PRKG1: variants seen among roughly 807,000 people sequenced by gnomAD.
PRKG1 encodes the protein protein kinase cGMP-dependent 1, also known as cGMP-dependent protein kinase 1.
PRKG1 carries 35 observed loss-of-function variants against 88.1 expected under a neutral mutation model. The ratio of observed to expected loss-of-function variants is 0.40; its 90% CI spans 0.30 to 0.53. PRKG1 has a LOEUF of 0.53. PRKG1 is among the 20% of genes least tolerant of loss of function. The pLI is 0.59. For synonymous variants in PRKG1, 303 were observed against 292.5 expected (o/e 1.04, Z -0.37); for missense variants, 540 against 839.8 (o/e 0.64, Z 4.41).
chr10:51,015,506 A>G (rs1047600730), intron 1 of PRKG1, among the ~76,000 whole-genome samples: 2 of 152,372 alleles, frequency 1.3e-5, no homozygotes, highest in African/African-American at 2.4e-5. Flanking sequence ...TATTTAAATC[A>G]GTATCTACAA....
In PRKG1 at chr10:52,048,793, A is replaced by G. The variant is rs986876504; in HGVS notation, c.763-5691A>G. On this transcript the variant is annotated intron_variant, in intron 5 of 17. Coordinates refer to ENST00000373980, the MANE Select transcript of PRKG1 (RefSeq NM_006258.4). ...ATTGCTTAATTTAGACGTGCTGTCAATTTTCTTTCTCTATCTATCCTCCTA... is the reference window on the plus strand; with the variant it reads ...ATTGCTTAATTTAGACGTGCTGTCAGTTTTCTTTCTCTATCTATCCTCCTA... 5.3e-4 allele frequency among the ~76,000 whole-genome samples: 76 copies of G among 142,072 alleles called. 3 individuals carry two copies. The highest frequency in any genetic ancestry group is 2.5e-5 in the African/African-American group (1 of 39,322). The allele number at this position is 142,072 out of a possible 152,430, so 93.2% of individuals were successfully genotyped here.
chr10:51,778,370 G>A (rs954542618), intron 3 of PRKG1, among the ~76,000 whole-genome samples: 6 of 152,096 alleles, frequency 3.9e-5, no homozygotes, highest in African/African-American at 9.7e-5. Context: ...TGAAGATGCC[G>A]CCTGCTGTTG....
intron 3 of PRKG1, among the ~76,000 whole-genome samples, chr10:51,691,294 G>A (rs1841135689): frequency 6.7e-6 from 1 of 148,994 alleles, no homozygotes; most frequent in Non-Finnish European, 1.5e-5. Context: ...TGCTAAACAG[G>A]TTTTTCTTTT....
chr10:51,087,971 C>T (rs1048611943), intron 1 of PRKG1, among the ~76,000 whole-genome samples: 2 of 152,260 alleles, frequency 1.3e-5, no homozygotes, highest in Non-Finnish European at 2.9e-5. Flanking sequence ...TACTGTGTTA[C>T]TTAGGCTGGT....
intron 7 of PRKG1, among the ~76,000 whole-genome samples, chr10:52,095,649 A>T (rs1022230813): frequency 6.6e-6 from 1 of 152,198 alleles, no homozygotes; most frequent in Non-Finnish European, 1.5e-5. Flanking sequence ...TGTATTTAAT[A>T]TTGAGCCAGT....
At chr10:52,204,995 C>G (rs1279819502) in intron 9 of PRKG1, among the ~76,000 whole-genome samples, 1 of 152,084 alleles carries the variant, frequency 6.6e-6, no homozygotes, top group African/African-American at 2.4e-5. Context: ...AGAATGCATT[C>G]CCAGGGCAGG....
intron 3 of PRKG1, among the ~76,000 whole-genome samples, chr10:51,501,190 T>G (rs66853770): frequency 0.055 from 8,331 of 152,202 alleles, 259 homozygotes; most frequent in Middle Eastern, 0.11. Flanking sequence ...TTGCCTAAAT[T>G]TCTGTGGTTT....
At chr10:51,995,224 C>CA (rs1844408873) in intron 5 of PRKG1, among the ~76,000 whole-genome samples, 1 of 151,980 alleles carries the variant, frequency 6.6e-6, no homozygotes, top group Admixed American at 6.6e-5. Flanking sequence ...CCATTCTCAA[C>CA]AAAAAGCTAT....
chr10:51,814,761 T>G (rs1334415628), intron 4 of PRKG1, among the ~76,000 whole-genome samples: 1 of 152,164 alleles, frequency 6.6e-6, no homozygotes, highest in Non-Finnish European at 1.5e-5. Flanking sequence ...GTCTCCATAT[T>G]GATCCATTTT....
chr10:51,240,527 GTCTCA>G (rs977590869), intron 2 of PRKG1, among the ~76,000 whole-genome samples: 1 of 151,986 alleles, frequency 6.6e-6, no homozygotes, highest in African/African-American at 2.4e-5. Flanking sequence ...ATATATTTTT[GTCTCA>G]TCAGTAGTTC....
intron 1 of PRKG1, among the ~76,000 whole-genome samples, chr10:51,052,783 C>A (rs1019915547): frequency 1.3e-5 from 2 of 152,164 alleles, no homozygotes; most frequent in African/African-American, 4.8e-5. Flanking sequence ...ACCAAACCAG[C>A]TAACTTTCCA....
At chr10:51,702,183 T>C (rs1177500839) in intron 3 of PRKG1, among the ~76,000 whole-genome samples, 3 of 152,212 alleles carry the variant, frequency 2.0e-5, no homozygotes, top group Non-Finnish European at 2.9e-5. Context: ...TGAAGGACTA[T>C]GGGACAAACA....
In PRKG1 at chr10:51,863,111, C is replaced by T. The variant is rs562451970; in HGVS notation, c.699-44396C>T. Among the ~76,000 whole-genome samples, 4 of 126,134 alleles carry T rather than the reference C, an allele frequency of 3.2e-5. No homozygotes were observed. The East Asian group carries it at 8.9e-4, about 28-fold the overall frequency. The allele number at this position is 126,134 out of a possible 152,430, so 82.7% of individuals were successfully genotyped here. On this transcript the variant is annotated intron_variant, in intron 4 of 17. Coordinates refer to ENST00000373980, the MANE Select transcript of PRKG1 (RefSeq NM_006258.4). Reference sequence around the variant, plus strand: ...ATATTTTTCATCATTCCTTGCTGTGCCCATATAAATCAGTAGGACCCCAGA... The same window carrying T: ...ATATTTTTCATCATTCCTTGCTGTGTCCATATAAATCAGTAGGACCCCAGA...
At chr10:52,169,666 G>A (rs1238462698) in intron 9 of PRKG1, among the ~76,000 whole-genome samples, 1 of 152,188 alleles carries the variant, frequency 6.6e-6, no homozygotes, top group Non-Finnish European at 1.5e-5. Context: ...AAACCAGTGG[G>A]TTCAGTTTCA....
intron 2 of PRKG1, among the ~76,000 whole-genome samples, chr10:51,404,995 G>A (rs1837866941): frequency 6.6e-6 from 1 of 152,184 alleles, no homozygotes; most frequent in African/African-American, 2.4e-5. Context: ...CACTTCTGCA[G>A]TATGAGTAAA....
chr10:51,251,667 A>G (rs1443913637), intron 2 of PRKG1, among the ~76,000 whole-genome samples: 2 of 151,836 alleles, frequency 1.3e-5, no homozygotes, highest in Admixed American at 1.3e-4. Flanking sequence ...AAAGTTCTTA[A>G]GAACTCACTC....
At chr10:51,045,575 C>T (rs2132762897) in intron 1 of PRKG1, among the ~76,000 whole-genome samples, 1 of 152,230 alleles carries the variant, frequency 6.6e-6, no homozygotes, top group East Asian at 1.9e-4. Context: ...ATCCGCCCAC[C>T]TTGAAAATAT....
At chr10:52,082,991 A>C (rs1008757194) in intron 7 of PRKG1, among the ~76,000 whole-genome samples, 2 of 152,096 alleles carry the variant, frequency 1.3e-5, no homozygotes, top group African/African-American at 4.8e-5. Context: ...GCAGGAAAAA[A>C]ATACACGGAT....
At chr10:51,783,400 T>C (rs886483905) in intron 3 of PRKG1, among the ~76,000 whole-genome samples, 1 of 152,080 alleles carries the variant, frequency 6.6e-6, no homozygotes, top group Non-Finnish European at 1.5e-5. Context: ...TACCTCAGCC[T>C]CATGAGTAGC....
Sources: gnomAD v4.1 joint callset for allele counts (sites outside exome capture counted in the v4.1 genomes callset) on GRCh38, gnomAD v4.1.1 for gene constraint, MANE v1.5 for transcripts, NCBI Gene and HGNC (gene_info 2026-07-23, HGNC 2026-07-21) for gene names.